Variants in ERCC6 observed in about 807,000 individuals in gnomAD.
The protein encoded by ERCC6 is DNA excision repair protein ERCC-6.
In ERCC6, 116 loss-of-function variants were observed where a neutral mutation model predicts 158.7. That is an observed-to-expected ratio of 0.73 (90% confidence interval 0.63 to 0.85). The LOEUF (loss-of-function observed/expected upper bound fraction) is 0.85, where lower values mean the gene tolerates loss of function less well. ERCC6 is among the 40% of genes least tolerant of loss of function. The pLI is 0.00. For synonymous variants in ERCC6, 678 were observed against 659.3 expected (o/e 1.03, Z -0.43); for missense variants, 1,698 against 1,799.4 (o/e 0.94, Z 1.02).
rs139949788 is a variant in ERCC6 at position 49,516,492 on chromosome 10, A to C, written c.1397+7541T>G. On this transcript the variant is annotated intron_variant, in intron 5 of 20. Transcript: ENST00000355832. ...GGCAGCACTAACCAGTACATTATGC[A>C]CATCTGTTCTTTGTTCCCAAAACAT... 992 of 1,614,240 alleles carry C rather than the reference A, an allele frequency of 6.1e-4. 3 individuals carry two copies. The highest frequency in any genetic ancestry group is 1.6e-3 in the Admixed American group (97 of 60,032).
Position 49,506,014 on chromosome 10 carries a change from T to C in ERCC6, c.1398-2A>G, listed in dbSNP as rs1317145066. On this transcript the variant is annotated splice_acceptor_variant, in intron 5 of 20. Transcript: ENST00000355832. LOFTEE classifies it high-confidence loss of function. ...TGCAGTCTCAGTTTATTCCATCTCC[T>C]ACCATGAAAATAAAAATCACATTTC... The C allele has an allele frequency of 2.5e-6, 4 of 1,612,206 alleles. No individual in the cohort carries two copies. The highest frequency in any genetic ancestry group is 3.4e-6 in the Non-Finnish European group (4 of 1,178,812).
intron 4 of ERCC6, chr10:49,525,153 C>A: frequency 7.9e-6 from 2 of 252,318 alleles, no homozygotes; most frequent in Non-Finnish European, 7.7e-6. Flanking sequence ...GTTCTCACGT[C>A]ATTGCTAAAA....
At chr10:49,437,914 C>A in the ERCC6 span, among the ~76,000 whole-genome samples, 1 of 152,162 alleles carries the variant, frequency 6.6e-6, no homozygotes, top group African/African-American at 2.4e-5. Flanking sequence ...GACACATGTG[C>A]ATATAACATA....
intron 7 of ERCC6, among the ~76,000 whole-genome samples, chr10:49,496,142 C>G (rs1204042490): frequency 2.0e-5 from 3 of 152,160 alleles, no homozygotes; most frequent in Non-Finnish European, 4.4e-5. Context: ...ACCCCTCCAG[C>G]TACCTTCTAC....
rs1445730075 is a variant in ERCC6 at position 49,482,756 on chromosome 10, C to T, written c.2100G>A (p.Leu700=). The change falls in exon 10 of 21, where the codon TTG becomes TTA. Residue 700 remains leucine, a synonymous_variant. Coordinates refer to ENST00000355832, the MANE Select transcript of ERCC6 (RefSeq NM_000124.4). ...CGGAGAACTGCTCCATAAACACAGG[C>T]AACGTGCCTAACTTTCCCGGGAAGA... ...DFIFPGKLGT[L]PVFMEQFSVP... 6 of 1,613,902 alleles carry T rather than the reference C, an allele frequency of 3.7e-6. No homozygotes were observed. The highest frequency in any genetic ancestry group is 5.1e-6 in the Non-Finnish European group (6 of 1,179,982).
chr10:49,534,269 A>G (rs770843243), intron 1 of ERCC6, among the ~76,000 whole-genome samples: 1 of 152,204 alleles, frequency 6.6e-6, no homozygotes, highest in African/African-American at 2.4e-5. Context: ...CCCCCCTCAC[A>G]TAGTGCTGCT....
intron 18 of ERCC6, among the ~76,000 whole-genome samples, chr10:49,469,761 C>A (rs1011060623): frequency 2.6e-5 from 4 of 152,208 alleles, no homozygotes; most frequent in Non-Finnish European, 5.9e-5. Context: ...TCTCCCTTGA[C>A]ATAAGCTATC....
Position 49,454,940 on chromosome 10 carries a change from T to A in ERCC6, c.*3875A>T, listed in dbSNP as rs1327142634. 6.6e-6 allele frequency among the ~76,000 whole-genome samples: 1 copy of A among 152,156 alleles called. No homozygotes were observed. Among genetic ancestry groups the A allele is most frequent in the Non-Finnish European group, 1.5e-5 (1 of 68,020 alleles). ...ATACATCAGGAGGAAAATAATAAAC[T>A]ATTTTTTAAAGGTGCTAGGGAAACT... On this transcript the variant is annotated 3_prime_UTR_variant, in exon 21 of 21. Coordinates refer to ENST00000355832, the MANE Select transcript of ERCC6 (RefSeq NM_000124.4).
chr10:49,458,945 A>G lies in ERCC6; in HGVS notation c.4352T>C (p.Leu1451Pro), dbSNP rs1266622641. ...TDGQASTREI[L>P]QEFESKLSAS... ...AGATAACTTGGATTCAAACTCCTGC[A>G]GTATCTCCCTGGTGCTGGCCTGGCC... Residue 1451 changes from leucine to proline, a missense_variant, in exon 21 of 21, where the codon CTG becomes CCG. Transcript: ENST00000355832. 1.9e-6 allele frequency: 3 copies of G among 1,614,092 alleles called. No homozygotes were observed. The highest frequency in any genetic ancestry group is 2.5e-6 in the Non-Finnish European group (3 of 1,180,032).
intron 5 of ERCC6, among the ~76,000 whole-genome samples, chr10:49,513,830 A>G (rs1257212908): frequency 2.0e-5 from 3 of 152,098 alleles, no homozygotes; most frequent in Non-Finnish European, 4.4e-5. Flanking sequence ...AACCATATCA[A>G]TACTATTGTT....
upstream of ERCC6, chr10:49,539,318 TAA>T (rs1338584147): frequency 1.3e-5 from 2 of 152,304 alleles, no homozygotes; most frequent in Non-Finnish European, 2.9e-5. Flanking sequence ...TTATGAAAGT[TAA>T]GACATATTTC....
intron 5 of ERCC6, chr10:49,506,304 A>G: frequency 1.2e-5 from 5 of 414,340 alleles, no homozygotes; most frequent in Non-Finnish European, 2.2e-5. Context: ...CTAAGGGAAA[A>G]TTTCTCTGCT....
At chr10:49,441,312 A>G in the ERCC6 span, among the ~76,000 whole-genome samples, 1 of 152,230 alleles carries the variant, frequency 6.6e-6, no homozygotes, top group East Asian at 1.9e-4. Flanking sequence ...AGTGCTTGCC[A>G]CAACCATATA....
At chr10:49,525,967 T>C (rs898294586) in intron 4 of ERCC6, among the ~76,000 whole-genome samples, 2 of 151,828 alleles carry the variant, frequency 1.3e-5, no homozygotes, top group Non-Finnish European at 2.9e-5. Context: ...TCCTTACTGT[T>C]GAATGTAGCT....
chr10:49,472,662 T>C lies in ERCC6; in HGVS notation c.2830-192A>G, dbSNP rs575155661. The C allele has an allele frequency of 4.5e-5, 33 of 737,260 alleles. 1 individual carries two copies. Among genetic ancestry groups the C allele is most frequent in the East Asian group, 4.3e-4 (16 of 37,258 alleles). The allele number at this position is 737,260 out of a possible 1,614,324, so 45.7% of individuals were successfully genotyped here. The stretch of plus-strand genomic sequence containing the variant: ...GAAAAGACATCTCTACTTGAAAAAA[T>C]GTTTGTAACTTTGCCTATGTTCTTT... On this transcript the variant is annotated intron_variant, in intron 15 of 20. Coordinates refer to ENST00000355832, the MANE Select transcript of ERCC6 (RefSeq NM_000124.4).
chr10:49,513,104 G>A (rs757426652), intron 5 of ERCC6, among the ~76,000 whole-genome samples: 13 of 152,240 alleles, frequency 8.5e-5, no homozygotes, highest in African/African-American at 1.7e-4. Context: ...TAATACTTAC[G>A]GAGTGCCTGA....
At chr10:49,506,328 T>C (rs1851442459) in intron 5 of ERCC6, 1 of 363,572 alleles carries the variant, frequency 2.8e-6, no homozygotes. Flanking sequence ...TCGTAAGACA[T>C]GAAATTAGTC....
At chr10:49,508,174 T>C (rs181150197) in intron 5 of ERCC6, among the ~76,000 whole-genome samples, 425 of 152,318 alleles carry the variant, frequency 2.8e-3, no homozygotes, top group Non-Finnish European at 4.9e-3. Context: ...TACTTCACTT[T>C]GCAATTTCTC....
chr10:49,460,889 T>C (rs1027007409), intron 19 of ERCC6, among the ~76,000 whole-genome samples: 1 of 149,206 alleles, frequency 6.7e-6, no homozygotes, highest in Non-Finnish European at 1.5e-5. Flanking sequence ...ACTCCATCTC[T>C]AAAAAAAGAA....
Sources: gnomAD v4.1 joint callset for allele counts (sites outside exome capture counted in the v4.1 genomes callset) on GRCh38, gnomAD v4.1.1 for gene constraint, MANE v1.5 for transcripts, NCBI Gene and HGNC (gene_info 2026-07-23, HGNC 2026-07-21) for gene names.